Variants in WDR49 observed in about 807,000 individuals in gnomAD.
The protein encoded by WDR49 is WD repeat domain 49.
Under a neutral mutation model 119.5 loss-of-function variants are expected in WDR49, and 107 were observed. The ratio of observed to expected loss-of-function variants is 0.90; its 90% CI spans 0.77 to 1.05. WDR49 has a LOEUF of 1.05. Ranked by LOEUF, WDR49 falls within the 50% of genes least tolerant of loss-of-function variation. The pLI is 0.00. For synonymous variants in WDR49, 425 were observed against 418.8 expected (o/e 1.01, Z -0.18); for missense variants, 1,240 against 1,220.5 (o/e 1.02, Z -0.24).
chr3:167,653,164 G>A (rs1162535220), intron 2 of WDR49, 97 bp downstream of exon 2: 1 of 1,329,842 alleles, frequency 7.5e-7, no homozygotes, highest in Non-Finnish European at 1.0e-6. Context: ...ACAATTAAGT[G>A]TATTTTTTTA....
rs772052935 is a variant in WDR49, at chr3:167,527,938, C to T, written c.2486G>A (p.Arg829Gln). ...LIRSFQPHED[R>Q]ISSLEMCEPG... The stretch of plus-strand genomic sequence containing the variant: ...CTCACACATCTCTAAGGAACTTATT[C>T]GGTCCTCATGAGGTTGGAATGATCT... Residue 829 changes from arginine (R) to glutamine (Q), a missense_variant, in exon 15 of 19, where the codon CGA (arginine) becomes CAA (glutamine). Coordinates refer to ENST00000682715, the MANE Select transcript of WDR49 (RefSeq NM_001366157.1). The T allele has an allele frequency of 9.3e-6, 15 of 1,613,156 alleles. No individual in the cohort carries two copies. The highest frequency in any genetic ancestry group is 1.7e-5 in the Admixed American group (1 of 59,850).
rs185983435 is a variant in WDR49 at position 167,487,665 on chromosome 3, G to T, written c.3032-8669C>A. 3.3e-5 allele frequency among the ~76,000 whole-genome samples: 5 copies of T among 151,844 alleles called. No homozygotes were observed. In the East Asian group the frequency reaches 9.7e-4, roughly 29 times the overall value. On this transcript the variant is annotated intron_variant, in intron 18 of 18. Coordinates refer to ENST00000682715, the MANE Select transcript of WDR49 (RefSeq NM_001366157.1). ...ATTTGACATCCAGCATCTATTAAAA[G>T]AAAAACTTAAATCAGCAAGCATAAA... is the stretch of plus-strand genomic sequence containing the variant.
chr3:167,497,335 A>T (rs1430514798), intron 18 of WDR49, among the ~76,000 whole-genome samples: 1 of 152,222 alleles, frequency 6.6e-6, no homozygotes, highest in Non-Finnish European at 1.5e-5. Context: ...GAAGTAAAGG[A>T]AGAAAAATTG....
At chr3:167,506,555 A>G (rs944087553) in intron 16 of WDR49, among the ~76,000 whole-genome samples, 1 of 152,170 alleles carries the variant, frequency 6.6e-6, no homozygotes, top group Non-Finnish European at 1.5e-5. Context: ...TTTCTTTCTC[A>G]TATATAAACT....
In WDR49 at chr3:167,624,086, T is replaced by C. The variant is rs1235128803; in HGVS notation, c.607-2443A>G. On this transcript the variant is annotated intron_variant, in intron 3 of 18. Transcript: ENST00000682715. ...ATGGGAAAAGATTTGGATAGACATT[T>C]TACAAAAGAAGATGTACAGGTAGCA... Among the ~76,000 whole-genome samples, 5 of 151,938 alleles carry C rather than the reference T, an allele frequency of 3.3e-5. No individual in the cohort carries two copies. The East Asian group carries it at 9.7e-4, about 29-fold the overall frequency.
intron 2 of WDR49, among the ~76,000 whole-genome samples, chr3:167,629,884 C>T (rs1362818850): frequency 6.6e-6 from 1 of 152,086 alleles, no homozygotes; most frequent in African/African-American, 2.4e-5. Flanking sequence ...CATGATCAAA[C>T]TTAAATGGAT....
chr3:167,640,110 G>A (rs986878942), intron 2 of WDR49, among the ~76,000 whole-genome samples: 3 of 151,724 alleles, frequency 2.0e-5, no homozygotes, highest in African/African-American at 7.3e-5. Flanking sequence ...GAATGAAAAG[G>A]GGGAGAAAGA....
chr3:167,527,630 C>T (rs938845855), intron 15 of WDR49, among the ~76,000 whole-genome samples, 190 bp downstream of exon 15: 14 of 151,868 alleles, frequency 9.2e-5, no homozygotes, highest in African/African-American at 3.4e-4. Context: ...TGGTGTCTTC[C>T]ACTTGATGGA....
chr3:167,510,923 C>A (rs1455209820), intron 16 of WDR49, among the ~76,000 whole-genome samples: 1 of 150,144 alleles, frequency 6.7e-6, no homozygotes, highest in Non-Finnish European at 1.5e-5. Flanking sequence ...AATTCTTTCA[C>A]ATTTTTATTT....
chr3:167,505,662 T>C (rs1751742865), intron 16 of WDR49, among the ~76,000 whole-genome samples: 1 of 152,222 alleles, frequency 6.6e-6, no homozygotes, highest in South Asian at 2.1e-4. Context: ...AGCAAAGCCC[T>C]GTCCCCATAG....
chr3:167,624,583 G>T (rs1717036431), intron 3 of WDR49, among the ~76,000 whole-genome samples: 1 of 151,888 alleles, frequency 6.6e-6, no homozygotes, highest in African/African-American at 2.4e-5. Context: ...AAATCTATCA[G>T]CTTGGGACAC....
intron 9 of WDR49, among the ~76,000 whole-genome samples, chr3:167,558,836 A>G (rs1327277607): frequency 1.3e-5 from 2 of 152,206 alleles, no homozygotes; most frequent in Non-Finnish European, 2.9e-5. Flanking sequence ...TCCAATGTTC[A>G]GTGCATTCTC....
chr3:167,602,301 A>G (rs1254159074), intron 6 of WDR49, 26 bp from the exon 7 acceptor site: 1 of 1,546,140 alleles, frequency 6.5e-7, no homozygotes, highest in Non-Finnish European at 8.8e-7. Context: ...AAGAAAAAAA[A>G]TGTTTTTAAT....
At chr3:167,527,294 A>C (rs1460480779) in intron 15 of WDR49, among the ~76,000 whole-genome samples, 3 of 152,186 alleles carry the variant, frequency 2.0e-5, no homozygotes, top group Non-Finnish European at 4.4e-5. Context: ...TGTGAAGATT[A>C]AATGAGTTAA....
intron 10 of WDR49, among the ~76,000 whole-genome samples, chr3:167,550,788 A>ATT (rs1712512748): frequency 6.8e-6 from 1 of 147,504 alleles, no homozygotes; most frequent in Non-Finnish European, 1.5e-5. Context: ...TGAGAGAGAG[A>ATT]GAGAGAGAGA....
intron 7 of WDR49, among the ~76,000 whole-genome samples, chr3:167,598,904 A>T (rs555628612): frequency 2.5e-4 from 38 of 152,338 alleles, no homozygotes; most frequent in African/African-American, 7.0e-4. Flanking sequence ...ACAGGCTCTT[A>T]TTCTCTCACC....
intron 2 of WDR49, among the ~76,000 whole-genome samples, chr3:167,629,870 A>T (rs1013876253): frequency 6.6e-6 from 1 of 152,238 alleles, no homozygotes; most frequent in African/African-American, 2.4e-5. Flanking sequence ...AATTGCTGCA[A>T]TCTCATGATC....
At chr3:167,501,656 C>T (rs1218578338) in intron 17 of WDR49, among the ~76,000 whole-genome samples, 1 of 152,102 alleles carries the variant, frequency 6.6e-6, no homozygotes, top group African/African-American at 2.4e-5. Flanking sequence ...TAGTAAGTAA[C>T]ATATTTTCAT....
chr3:167,605,990 T>C (rs1346503204), intron 5 of WDR49, among the ~76,000 whole-genome samples: 1 of 152,188 alleles, frequency 6.6e-6, no homozygotes, highest in Non-Finnish European at 1.5e-5. Context: ...ATCTCTTGAC[T>C]ATTGAAACTT....
Sources: allele counts gnomAD v4.1 joint callset (sites outside exome capture counted in the v4.1 genomes callset), GRCh38; gene constraint gnomAD v4.1.1; transcripts MANE v1.5; gene names NCBI Gene and HGNC (gene_info 2026-07-23, HGNC 2026-07-21).